Variants in TRPM6 observed in about 807,000 individuals in gnomAD.
TRPM6 encodes transient receptor potential cation channel subfamily M member 6.
TRPM6 carries 111 observed loss-of-function variants against 247.6 expected under a neutral mutation model. The ratio of observed to expected loss-of-function variants is 0.45; its 90% CI spans 0.38 to 0.52. The LOEUF (loss-of-function observed/expected upper bound fraction) is 0.52, where lower values mean the gene tolerates loss of function less well. Ranked by LOEUF, TRPM6 falls within the 20% of genes least tolerant of loss-of-function variation. TRPM6 has a pLI of 0.00. For synonymous variants in TRPM6, 892 were observed against 853.8 expected (o/e 1.04, Z -0.78); for missense variants, 2,126 against 2,421.5 (o/e 0.88, Z 2.56).
chr9:74,866,275 G>A (rs1182600724), intron 1 of TRPM6, among the ~76,000 whole-genome samples: 1 of 152,186 alleles, frequency 6.6e-6, no homozygotes, highest in African/African-American at 2.4e-5. Context: ...GCACAAAGAA[G>A]ACACAACTGG....
rs1223683623 is a variant in TRPM6, at chr9:74,781,657, CAG to C, written c.3209+703_3209+704del. Among the ~76,000 whole-genome samples, 19 of 151,236 alleles carry C rather than the reference CAG, an allele frequency of 1.3e-4. No homozygotes were observed. The South Asian group carries it at 4.0e-3, about 32-fold the overall frequency. The stretch of plus-strand genomic sequence containing the variant: ...AAGAGAGAGAGAGAAAGAGAGAAAA[CAG>C]AGAACAGGGGAAGCTGGGAGCAAGT... On this transcript the variant is annotated intron_variant, in intron 23 of 38. Coordinates refer to ENST00000360774, the MANE Select transcript of TRPM6 (RefSeq NM_017662.5).
In TRPM6 at chr9:74,786,103, T is replaced by G. The variant is rs1250788918; in HGVS notation, c.2690A>C (p.Lys897Thr). ...VREICISEPG[K>T]FTQKVKVWIS... ...CCATACCTTCACCTTTTGGGTAAAC[T>G]TCCCAGGTTCTGAAATACAGATCTA... Residue 897 changes from lysine to threonine, a missense_variant, in exon 21 of 39, where the codon AAG becomes ACG. Physicochemically the swap from Lys to Thr is moderately conservative, Grantham distance 78. This residue lies in a region of TRPM6 where 1,082 missense variants were observed against 1,307.9 expected (regional missense o/e 0.83). Transcript: ENST00000360774. 1.2e-6 allele frequency: 2 copies of G among 1,614,068 alleles called. No individual in the cohort carries two copies. The highest frequency in any genetic ancestry group is 2.7e-5 in the African/African-American group (2 of 74,920).
In TRPM6 at chr9:74,763,160, C is replaced by A. The variant is rs373188803; in HGVS notation, c.3537-26G>T. The A allele has an allele frequency of 1.0e-5, 16 of 1,600,592 alleles. No individual in the cohort carries two copies. In the African/African-American group the frequency reaches 2.1e-4, roughly 21 times the overall value. On this transcript the variant is annotated intron_variant, in intron 25 of 38. Transcript: ENST00000360774. ...CTAGTGGTGAAGGAAGGGAGAAAAC[C>A]AACAAGCACATTAAGCCAGTGGGAA...
intron 19 of TRPM6, among the ~76,000 whole-genome samples, chr9:74,789,973 A>AAG (rs1477809979): frequency 1.1e-5 from 1 of 91,538 alleles, no homozygotes; most frequent in East Asian, 2.6e-4. Context: ...AAAAAAAAAA[A>AAG]AAAAAAAAAA....
intron 20 of TRPM6, among the ~76,000 whole-genome samples, chr9:74,786,676 C>CT (rs1269957247): frequency 6.6e-6 from 1 of 152,128 alleles, no homozygotes; most frequent in Non-Finnish European, 1.5e-5. Context: ...GGAGGCGGAG[C>CT]TTGCAGTGAG....
intron 35 of TRPM6, 98 bp downstream of exon 35, chr9:74,739,269 T>A (rs1825785732): frequency 2.6e-6 from 3 of 1,160,418 alleles, no homozygotes; most frequent in South Asian, 1.2e-5. Flanking sequence ...TCATGGGGAA[T>A]TTCCCCATGG....
chr9:74,793,626 C>T (rs1291008131), intron 18 of TRPM6, among the ~76,000 whole-genome samples: 1 of 152,156 alleles, frequency 6.6e-6, no homozygotes, highest in African/African-American at 2.4e-5. Flanking sequence ...ATTGAGCATA[C>T]ATTGATGATG....
intron 27 of TRPM6, among the ~76,000 whole-genome samples, chr9:74,761,429 T>C (rs551131617): frequency 2.0e-5 from 3 of 152,192 alleles, no homozygotes; most frequent in Non-Finnish European, 4.4e-5. Context: ...TAAATTTATA[T>C]CTGGGTGTGG....
chr9:74,813,651 G>A (rs1038868629), intron 11 of TRPM6, among the ~76,000 whole-genome samples: 1 of 152,020 alleles, frequency 6.6e-6, no homozygotes, highest in Non-Finnish European at 1.5e-5. Flanking sequence ...CTACAGGCTC[G>A]GAATTTCCAA....
At chr9:74,842,482 CAT>C in intron 3 of TRPM6, 139 bp from the exon 4 acceptor site, 1 of 877,156 alleles carries the variant, frequency 1.1e-6, no homozygotes, top group African/African-American at 1.7e-5. Flanking sequence ...AAATTTCTAA[CAT>C]AGGACTGTCT....
At chr9:74,797,170 AGG>A (rs1230741425) in intron 17 of TRPM6, among the ~76,000 whole-genome samples, 1 of 152,220 alleles carries the variant, frequency 6.6e-6, no homozygotes, top group Non-Finnish European at 1.5e-5. Flanking sequence ...CTATCTAGAG[AGG>A]GACAGCTGGT....
intron 14 of TRPM6, among the ~76,000 whole-genome samples, chr9:74,806,446 G>C (rs1156308088): frequency 6.6e-6 from 1 of 152,062 alleles, no homozygotes; most frequent in East Asian, 1.9e-4. Context: ...GCTTTGAACT[G>C]CTTTATTTAA....
At chr9:74,882,288 G>A (rs1234265910) in intron 1 of TRPM6, among the ~76,000 whole-genome samples, 1 of 152,168 alleles carries the variant, frequency 6.6e-6, no homozygotes, top group African/African-American at 2.4e-5. Context: ...TTTCTGCACA[G>A]TGAAGGAAAC....
At chr9:74,749,078 G>A (rs566909632) in intron 30 of TRPM6, among the ~76,000 whole-genome samples, 2 of 152,230 alleles carry the variant, frequency 1.3e-5, no homozygotes, top group East Asian at 3.9e-4. Context: ...TACTGTACAG[G>A]TTTGTAGCTT....
At position 74,816,647 on chromosome 9, in the gene TRPM6, A is replaced by C. The variant is rs756196791; in HGVS notation, c.1308+22T>G. The C allele has an allele frequency of 5.6e-6, 9 of 1,597,596 alleles. No individual in the cohort carries two copies. The South Asian group carries it at 6.6e-5, about 12-fold the overall frequency. On this transcript the variant is annotated intron_variant, in intron 11 of 38. Coordinates refer to ENST00000360774, the MANE Select transcript of TRPM6 (RefSeq NM_017662.5). ...ACCATCACACAAAATATTTTTTCCG[A>C]ATAACTTCATTTTCACTATACCTTC...
At position 74,887,485 on chromosome 9, in the gene TRPM6, G is replaced by A. The variant is rs556113337; in HGVS notation, c.33+339C>T. The A allele has an allele frequency of 2.6e-5, 27 of 1,058,082 alleles. No individual in the cohort carries two copies. The African/African-American group carries it at 3.8e-4, about 15-fold the overall frequency. The allele number at this position is 1,058,082 out of a possible 1,614,324, so 65.5% of individuals were successfully genotyped here. A position where few individuals can be genotyped will look rare whatever the true frequency, so the allele number is the denominator to read the frequency against. On this transcript the variant is annotated intron_variant, in intron 1 of 38. Coordinates refer to ENST00000360774, the MANE Select transcript of TRPM6 (RefSeq NM_017662.5). ...TCCGGCCCGGAGCGGAATCAGAGCT[G>A]CCTCCTCTCCCGGGGTGTTTCCCAC...
intron 20 of TRPM6, among the ~76,000 whole-genome samples, chr9:74,787,334 C>T (rs562049539): frequency 8.6e-5 from 7 of 81,430 alleles, no homozygotes; most frequent in Non-Finnish European, 1.5e-4. Context: ...GACTCTGTCT[C>T]AAAAGAAAAA....
intron 19 of TRPM6, among the ~76,000 whole-genome samples, chr9:74,789,179 C>T (rs972012545): frequency 1.3e-5 from 2 of 152,168 alleles, no homozygotes; most frequent in Non-Finnish European, 2.9e-5. Flanking sequence ...TGAACTGTGG[C>T]ATTTACCACT....
rs3056763 is a variant in TRPM6, at chr9:74,803,295, T to TACAC, written c.1731+495_1731+498dup. Among the ~76,000 whole-genome samples the TACAC allele has an allele frequency of 6.8e-3, 1,019 of 149,504 alleles. 8 individuals carry two copies. The highest frequency in any genetic ancestry group is 0.017 in the African/African-American group (691 of 40,730). On this transcript the variant is annotated intron_variant, in intron 15 of 38. Coordinates refer to ENST00000360774, the MANE Select transcript of TRPM6 (RefSeq NM_017662.5). ...GAGACTAGGAGGAATAACAATGTTG[T>TACAC]ACACACACACACACACACACACTCA...
Sources: allele counts gnomAD v4.1 joint callset (sites outside exome capture counted in the v4.1 genomes callset), GRCh38; gene constraint gnomAD v4.1.1; regional missense constraint gnomAD v4.1.1; transcripts MANE v1.5; gene names NCBI Gene and HGNC (gene_info 2026-07-23, HGNC 2026-07-21).